Variants in SLC38A2 observed in about 807,000 individuals in gnomAD.
The protein encoded by SLC38A2 is sodium-coupled neutral amino acid symporter 2.
A neutral mutation model predicts 61.5 loss-of-function variants in SLC38A2; 11 were observed. The ratio of observed to expected loss-of-function variants is 0.18; its 90% confidence interval spans 0.11 to 0.30. The LOEUF is 0.30. Ranked by LOEUF, SLC38A2 falls within the 10% of genes least tolerant of loss-of-function variation. The pLI is 1.00. For synonymous variants in SLC38A2, 217 were observed against 212.5 expected, an observed-to-expected ratio of 1.02 and a Z score of -0.18; for missense variants, 522 against 600.4, an observed-to-expected ratio of 0.87 and a Z score of 1.36.
intron 4 of SLC38A2, 62 bp from the exon 5 acceptor site, chr12:46,367,402 C>T (rs774644380): frequency 7.8e-6 from 7 of 895,804 alleles, no homozygotes; most frequent in African/African-American, 3.4e-5. Flanking sequence ...AAAGACAACT[C>T]TTTCTGGATG....
chr12:46,362,405 T>C (rs1255481039), intron 14 of SLC38A2, 24 bp from the exon 15 acceptor site: 7 of 1,602,830 alleles, frequency 4.4e-6, no homozygotes, highest in South Asian at 3.4e-5. Context: ...TTTATGTTTC[T>C]TGAGGATTCA....
intron 4 of SLC38A2, 37 bp downstream of exon 4, chr12:46,370,475 G>A (rs1446156428): frequency 5.5e-6 from 8 of 1,449,326 alleles, no homozygotes; most frequent in South Asian, 1.1e-5. Flanking sequence ...CATAGTAACT[G>A]CCCTGCATGG....
At chr12:46,366,808 A>G (rs1943143220) in intron 7 of SLC38A2, 56 bp downstream of exon 7, 9 of 1,445,642 alleles carry the variant, frequency 6.2e-6, no homozygotes, top group Admixed American at 2.1e-5. Flanking sequence ...ATAAAAATGT[A>G]TCTAACCACT....
At position 46,366,742 on chromosome 12, in the gene SLC38A2, C is replaced by G. The variant is rs1040636059; in HGVS notation, c.563+122G>C. 1.5e-5 allele frequency: 14 copies of G among 932,558 alleles called. No individual in the cohort carries two copies. The African/African-American group carries it at 2.2e-4, about 15-fold the overall frequency. The allele number at this position is 932,558 out of a possible 1,614,324, so 57.8% of individuals were successfully genotyped here. A position where few individuals can be genotyped will look rare whatever the true frequency, so the allele number is the denominator to read the frequency against. ...TACGGGGATGGGGGGCCTTCTTGGTCAGTTTCAAAAGGAACATTTATGGAT... is the reference window on the plus strand; with the variant it reads ...TACGGGGATGGGGGGCCTTCTTGGTGAGTTTCAAAAGGAACATTTATGGAT... On this transcript the variant is annotated intron_variant, in intron 7 of 15. Transcript: ENST00000256689.
chr12:46,371,449 G>T, intron 1 of SLC38A2, 70 bp from the exon 2 acceptor site: 1 of 614,606 alleles, frequency 1.6e-6, no homozygotes, highest in East Asian at 2.8e-5. Flanking sequence ...GCCGCCCGGA[G>T]GCGCAGCGCG....
chr12:46,358,269 A>C lies in SLC38A2; in HGVS notation c.*2842T>G, dbSNP rs1379204461. On this transcript the variant is annotated 3_prime_UTR_variant, in exon 16 of 16. Coordinates refer to ENST00000256689, the MANE Select transcript of SLC38A2 (RefSeq NM_018976.5). ...TTGAAACGGTGTAGCACTCTTTGCC[A>C]ACAAGCCATACTAGAATTGTTGGCC... 1 of 152,662 alleles carries C rather than the reference A, an allele frequency of 6.6e-6. No homozygotes were observed. The highest frequency in any genetic ancestry group is 1.5e-5 in the Non-Finnish European group (1 of 68,030). 9.5% of individuals were successfully genotyped at this position (152,662 alleles called of 1,614,324 possible).
intron 4 of SLC38A2, among the ~76,000 whole-genome samples, chr12:46,369,283 C>T (rs1047362349): frequency 3.9e-5 from 6 of 152,186 alleles, no homozygotes; most frequent in African/African-American, 9.7e-5. Flanking sequence ...TAGGATTCTA[C>T]GTAAATCGCT....
Position 46,367,336 on chromosome 12 carries a change from G to C in SLC38A2, c.319C>G (p.Leu107Val). 1.9e-6 allele frequency: 3 copies of C among 1,549,838 alleles called. No individual in the cohort carries two copies. The highest frequency in any genetic ancestry group is 2.2e-5 in the East Asian group (1 of 44,508). Reference sequence around the variant, plus strand: ...GAAAATATTGACACAAATGTCAAGAGAATTCTGGTGAGAGAAGGAAAAGGC... The same window carrying C: ...GAAAATATTGACACAAATGTCAAGACAATTCTGGTGAGAGAAGGAAAAGGC... ...ANTGIALFII[L>V]LTFVSIFSLY... Residue 107 changes from leucine to valine, a missense_variant, in exon 5 of 16, where the codon CTC (leucine) becomes GTC (valine). Physicochemically the swap from Leu to Val is conservative, Grantham distance 32 (BLOSUM62 1). Coordinates refer to ENST00000256689, the MANE Select transcript of SLC38A2 (RefSeq NM_018976.5).
rs779809368 is a variant in SLC38A2 at position 46,364,381 on chromosome 12, T to A, written c.873+8A>T. The A allele has an allele frequency of 6.4e-7, 1 of 1,569,936 alleles. No individual in the cohort carries two copies. The highest frequency in any genetic ancestry group is 2.1e-5 in the Admixed American group (1 of 48,138). Reference sequence around the variant, plus strand: ...TCTTCTTTTGAGAAAATAAGCATATTTAGTTACCTGTGAGTTGAAAATAAA... The same window carrying A: ...TCTTCTTTTGAGAAAATAAGCATATATAGTTACCTGTGAGTTGAAAATAAA... On this transcript the variant is annotated splice_region_variant and intron_variant, in intron 10 of 15. Coordinates refer to ENST00000256689, the MANE Select transcript of SLC38A2 (RefSeq NM_018976.5).
chr12:46,371,594 C>T, intron 1 of SLC38A2: 1 of 355,080 alleles, frequency 2.8e-6, no homozygotes, highest in Non-Finnish European at 5.1e-6. Context: ...GTGTTGCGGC[C>T]GTCGAGGCCC....
intron 1 of SLC38A2, 58 bp from the exon 2 acceptor site, chr12:46,371,437 A>C (rs1486536330): frequency 1.5e-6 from 1 of 659,642 alleles, no homozygotes; most frequent in Non-Finnish European, 2.6e-6. Flanking sequence ...CGGTCACGTG[A>C]CGCCGCCCGG....
At position 46,364,463 on chromosome 12, in the gene SLC38A2, G is replaced by A; in HGVS notation, c.799C>T (p.Leu267Phe). Residue 267 changes from leucine (L) to phenylalanine (F), a missense_variant, in exon 10 of 16, where the codon CTT becomes TTT. By Grantham distance (22) the Leu-to-Phe change is conservative (BLOSUM62 0). Transcript: ENST00000256689. The stretch of plus-strand genomic sequence containing the variant: ...ACGTTATGTGACAAAGCAGGTACAA[G>A]AGCTGTTGGCTGTGTTAAGGTGGTG... ...INTTLTQPTA[L>F]VPALSHNVTE... 3.1e-6 allele frequency: 5 copies of A among 1,612,954 alleles called. No individual in the cohort carries two copies. Among genetic ancestry groups the A allele is most frequent in the Non-Finnish European group, 4.2e-6 (5 of 1,179,380 alleles).
chr12:46,372,685 G>A lies in SLC38A2; in HGVS notation c.-263C>T, dbSNP rs1007665239. On this transcript the variant is annotated 5_prime_UTR_variant, in exon 1 of 16. Coordinates refer to ENST00000256689, the MANE Select transcript of SLC38A2 (RefSeq NM_018976.5). ...ATCCTCCGGCGTCCGCCGTGTCAAG[G>A]GAAAGGCGCGAGCGTGCGGTAACGC... 1 of 398,440 alleles carries A rather than the reference G, an allele frequency of 2.5e-6. No homozygotes were observed. Among genetic ancestry groups the A allele is most frequent in the African/African-American group, 2.1e-5 (1 of 48,648 alleles). The allele number at this position is 398,440 out of a possible 1,614,324, so 24.7% of individuals were successfully genotyped here.
In SLC38A2 at chr12:46,370,178, A is replaced by G. The variant is rs1213511648; in HGVS notation, c.314+334T>C. ...TAGGATTTTCAGCTTCTGATTTGCCAAAACAAAATTTATACCTACCCTGGC... is the reference window on the plus strand; with the variant it reads ...TAGGATTTTCAGCTTCTGATTTGCCGAAACAAAATTTATACCTACCCTGGC... On this transcript the variant is annotated intron_variant, in intron 4 of 15. Coordinates refer to ENST00000256689, the MANE Select transcript of SLC38A2 (RefSeq NM_018976.5). Among the ~76,000 whole-genome samples, 5 of 152,362 alleles carry G rather than the reference A, an allele frequency of 3.3e-5. No individual in the cohort carries two copies. The East Asian group carries it at 9.6e-4, about 29-fold the overall frequency.
rs1565828848 is a variant in SLC38A2, at chr12:46,366,854, T to C, written c.563+10A>G. ...ATTGTTTCTTATGAGTAACCTTACT[T>C]AGCACCTACCCAGTTTTATCTTCAA... On this transcript the variant is annotated intron_variant, in intron 7 of 15. Coordinates refer to ENST00000256689, the MANE Select transcript of SLC38A2 (RefSeq NM_018976.5). 6.2e-7 allele frequency: 1 copy of C among 1,607,354 alleles called. No homozygotes were observed. Among genetic ancestry groups the C allele is most frequent in the East Asian group, 2.2e-5 (1 of 44,850 alleles).
chr12:46,367,418 A>G, intron 4 of SLC38A2, 78 bp from the exon 5 acceptor site: 1 of 829,426 alleles, frequency 1.2e-6, no homozygotes, highest in African/African-American at 1.7e-5. Context: ...GGATGTTTAA[A>G]TAACATTATG....
Position 46,364,366 on chromosome 12 carries a change from A to G in SLC38A2, c.873+23T>C, listed in dbSNP as rs764172101. On this transcript the variant is annotated intron_variant, in intron 10 of 15. Coordinates refer to ENST00000256689, the MANE Select transcript of SLC38A2 (RefSeq NM_018976.5). ...TTTTCTTCCCTAAACTCTTCTTTTG[A>G]GAAAATAAGCATATTTAGTTACCTG... is the stretch of plus-strand genomic sequence containing the variant. 1.9e-6 allele frequency: 3 copies of G among 1,553,272 alleles called. No individual in the cohort carries two copies. The East Asian group carries it at 6.8e-5, about 35-fold the overall frequency.
At chr12:46,371,025 T>A (rs1036683779) in intron 2 of SLC38A2, 153 bp downstream of exon 2, 3 of 837,042 alleles carry the variant, frequency 3.6e-6, no homozygotes, top group African/African-American at 3.4e-5. Context: ...AGCTATCTTG[T>A]CATTACAACA....
chr12:46,363,336 C>A (rs574124412), intron 12 of SLC38A2, among the ~76,000 whole-genome samples, 191 bp from the exon 13 acceptor site: 64 of 152,096 alleles, frequency 4.2e-4, no homozygotes, highest in Non-Finnish European at 7.2e-4. Context: ...TTTCTAAATA[C>A]CACAGAGATT....
Sources: gnomAD v4.1 joint callset for allele counts (sites outside exome capture counted in the v4.1 genomes callset) on GRCh38, gnomAD v4.1.1 for gene constraint, MANE v1.5 for transcripts, NCBI Gene and HGNC (gene_info 2026-07-23, HGNC 2026-07-21) for gene names.